Variants in NUBPL observed in about 807,000 individuals in gnomAD.
The protein encoded by NUBPL is NUBP iron-sulfur cluster assembly factor, mitochondrial.
NUBPL carries 31 observed loss-of-function variants against 45.7 expected under a neutral mutation model. That is an observed-to-expected ratio of 0.68 (90% CI 0.51 to 0.92). NUBPL has a LOEUF of 0.92. NUBPL is among the 40% of genes least tolerant of loss of function. The probability of loss-of-function intolerance (pLI) is 0.00; values close to 1 mark genes in which losing one functional copy is unlikely to be tolerated. For missense variants in NUBPL, 401 were observed against 398.7 expected (o/e 1.01, Z -0.05); for synonymous variants, 144 against 140.9 (o/e 1.02, Z -0.15).
chr14:31,585,449 C>T (rs961824595), intron 3 of NUBPL, among the ~76,000 whole-genome samples: 1 of 152,120 alleles, frequency 6.6e-6, no homozygotes, highest in African/African-American at 2.4e-5. Flanking sequence ...TTTCATCAGT[C>T]GATGGACATT....
intron 10 of NUBPL, 128 bp from the exon 11 acceptor site, chr14:31,858,990 A>T: frequency 1.3e-6 from 1 of 753,990 alleles, no homozygotes; most frequent in South Asian, 1.5e-5. Context: ...TCTTCTCAAT[A>T]CTGAATTTCC....
chr14:31,756,024 ATTTC>A (rs2038653643), intron 6 of NUBPL, among the ~76,000 whole-genome samples: 1 of 151,972 alleles, frequency 6.6e-6, no homozygotes, highest in Non-Finnish European at 1.5e-5. Context: ...ATGCGGCGTT[ATTTC>A]TGAGAGCTCT....
intron 4 of NUBPL, among the ~76,000 whole-genome samples, chr14:31,669,205 G>T (rs551077166): frequency 6.6e-6 from 1 of 151,828 alleles, no homozygotes; most frequent in African/African-American, 2.4e-5. Flanking sequence ...TATATTTATG[G>T]GACACAATTT....
intron 7 of NUBPL, among the ~76,000 whole-genome samples, chr14:31,791,047 T>C (rs947290205): frequency 1.3e-5 from 2 of 151,990 alleles, no homozygotes; most frequent in African/African-American, 2.4e-5. Context: ...GGCAGGAGGA[T>C]CACTTGAGCC....
At chr14:31,716,574 A>G (rs1354771500) in intron 6 of NUBPL, among the ~76,000 whole-genome samples, 2 of 152,228 alleles carry the variant, frequency 1.3e-5, no homozygotes, top group Non-Finnish European at 1.5e-5. Context: ...TGACCAAAAT[A>G]TCCTTCTCTG....
intron 10 of NUBPL, among the ~76,000 whole-genome samples, chr14:31,855,648 T>G (rs2040605283): frequency 6.6e-6 from 1 of 151,948 alleles, no homozygotes; most frequent in South Asian, 2.1e-4. Flanking sequence ...AAGGACTCTC[T>G]TAAAATGACT....
At chr14:31,629,872 G>A (rs1241093522) in intron 4 of NUBPL, among the ~76,000 whole-genome samples, 1 of 151,828 alleles carries the variant, frequency 6.6e-6, no homozygotes, top group Non-Finnish European at 1.5e-5. Context: ...CGTTTTTCTC[G>A]TACTTCTTTT....
chr14:31,736,181 A>G (rs961143798), intron 6 of NUBPL, among the ~76,000 whole-genome samples: 2 of 152,192 alleles, frequency 1.3e-5, no homozygotes, highest in Non-Finnish European at 2.9e-5. Flanking sequence ...TTGCTTCCCA[A>G]AAGGATTAGG....
chr14:31,591,231 C>G (rs1052955136), intron 3 of NUBPL, among the ~76,000 whole-genome samples: 3 of 152,150 alleles, frequency 2.0e-5, no homozygotes, highest in Admixed American at 1.3e-4. Flanking sequence ...GGTGTAATCT[C>G]TGCTCACTGC....
At chr14:31,820,487 A>G (rs532163940) in intron 7 of NUBPL, among the ~76,000 whole-genome samples, 1 of 152,196 alleles carries the variant, frequency 6.6e-6, no homozygotes, top group African/African-American at 2.4e-5. Context: ...GTTAAGTCGA[A>G]TGATACAGTA....
chr14:31,678,273 G>A (rs543991884), intron 6 of NUBPL, among the ~76,000 whole-genome samples: 75 of 152,288 alleles, frequency 4.9e-4, no homozygotes, highest in African/African-American at 1.7e-3. Flanking sequence ...ACCCCACATG[G>A]TGCTCCACCC....
At chr14:31,706,489 G>A (rs988500555) in intron 6 of NUBPL, among the ~76,000 whole-genome samples, 2 of 152,214 alleles carry the variant, frequency 1.3e-5, no homozygotes, top group African/African-American at 4.8e-5. Flanking sequence ...AAGGGGAGAA[G>A]CCATGTTGCC....
intron 6 of NUBPL, among the ~76,000 whole-genome samples, chr14:31,736,468 A>C (rs12896685): frequency 0.28 from 42,546 of 152,010 alleles, 7,249 homozygotes; most frequent in South Asian, 0.41. Context: ...CTTCATGTAG[A>C]TAAAATCTTT....
At chr14:31,741,378 G>A (rs568092803) in intron 6 of NUBPL, among the ~76,000 whole-genome samples, 130 of 152,244 alleles carry the variant, frequency 8.5e-4, no homozygotes, top group African/African-American at 3.0e-3. Context: ...CTTTAGGTGG[G>A]ACAGAATGAC....
intron 7 of NUBPL, among the ~76,000 whole-genome samples, chr14:31,788,649 A>G (rs530492575): frequency 6.6e-6 from 1 of 152,294 alleles, no homozygotes; most frequent in South Asian, 2.1e-4. Context: ...TCTTCATATC[A>G]GCATGTACCT....
chr14:31,804,872 T>G (rs1328156161), intron 7 of NUBPL, among the ~76,000 whole-genome samples: 1 of 152,078 alleles, frequency 6.6e-6, no homozygotes, highest in East Asian at 1.9e-4. Context: ...GACATAGGAA[T>G]GGCAAAGATT....
intron 6 of NUBPL, among the ~76,000 whole-genome samples, chr14:31,762,822 A>G (rs745526905): frequency 3.3e-5 from 5 of 151,802 alleles, no homozygotes; most frequent in Non-Finnish European, 5.9e-5. Flanking sequence ...ACATTTGCAC[A>G]TCTGATTTTG....
intron 7 of NUBPL, chr14:31,800,818 G>A (rs372666497): frequency 5.9e-5 from 9 of 152,266 alleles, no homozygotes; most frequent in African/African-American, 2.2e-4. Flanking sequence ...TGTGAAGCAT[G>A]TTTTCTCTTT....
At chr14:31,834,200 GAGAC>G (rs1395289105) in intron 8 of NUBPL, among the ~76,000 whole-genome samples, 1 of 20,462 alleles carries the variant, frequency 4.9e-5, no homozygotes, top group African/African-American at 2.2e-4. Flanking sequence ...TTTTTTTTTT[GAGAC>G]AGAGTCTTGC....
Sources: allele counts gnomAD v4.1 joint callset (sites outside exome capture counted in the v4.1 genomes callset), GRCh38; gene constraint gnomAD v4.1.1; transcripts MANE v1.5; gene names NCBI Gene and HGNC (gene_info 2026-07-23, HGNC 2026-07-21).